The following TTC7A variants were observed in gnomAD, a reference collection of about 807,000 sequenced individuals.
The protein encoded by TTC7A is tetratricopeptide repeat protein 7A.
A neutral mutation model predicts 103.7 loss-of-function variants in TTC7A; 110 were observed. The observed-to-expected ratio is 1.06, with a 90% CI of 0.91 to 1.24. TTC7A has a LOEUF of 1.24. Ranked by LOEUF, TTC7A falls within the 50% of genes most tolerant of loss-of-function variation. TTC7A has a pLI of 0.00. For missense variants in TTC7A, 1,340 were observed against 1,116.3 expected (o/e 1.20, Z -2.86); for synonymous variants, 521 against 467.9 (o/e 1.11, Z -1.47).
chr2:46,916,250 A>G, exon 1 of TTC7A: 1 of 835,300 alleles, frequency 1.2e-6, no homozygotes, highest in Non-Finnish European at 1.4e-6. Context: ...TCTTGATGAA[A>G]CGACCACAAC....
At chr2:47,006,099 A>C in intron 9 of TTC7A, 40 bp downstream of exon 9, 2 of 1,602,520 alleles carry the variant, frequency 1.2e-6, no homozygotes, top group East Asian at 2.2e-5. Flanking sequence ...CTCCGGAGTC[A>C]GGTGGTCTGT....
chr2:46,926,526 T>C (rs1669392247), intron 2 of TTC7A, among the ~76,000 whole-genome samples: 1 of 152,182 alleles, frequency 6.6e-6, no homozygotes, highest in South Asian at 2.1e-4. Flanking sequence ...AGATGAGCCT[T>C]CTCATGGACC....
At chr2:46,968,030 A>ATGTTTTC (rs1673009905) in intron 3 of TTC7A, among the ~76,000 whole-genome samples, 2 of 151,978 alleles carry the variant, frequency 1.3e-5, no homozygotes, top group Non-Finnish European at 2.9e-5. Context: ...GTTGCTGAGG[A>ATGTTTTC]TGTTTTCTGT....
chr2:47,056,951 A>G (rs1318540845), intron 18 of TTC7A, among the ~76,000 whole-genome samples: 2 of 152,144 alleles, frequency 1.3e-5, no homozygotes, highest in Admixed American at 6.5e-5. Context: ...TGACCTCGAC[A>G]ATGAAAATTC....
intron 3 of TTC7A, chr2:46,974,643 AAAAT>A (rs1161047147): frequency 4.3e-6 from 2 of 466,756 alleles, no homozygotes; most frequent in Non-Finnish European, 8.5e-6. Flanking sequence ...AGGAAAGAAA[AAAAT>A]AAATTTTTTT....
Position 46,941,853 on chromosome 2 carries a change from A to G in TTC7A, c.184+128A>G. On this transcript the variant is annotated intron_variant, in intron 1 of 19. Coordinates refer to ENST00000319190, the MANE Select transcript of TTC7A (RefSeq NM_020458.4). The surrounding 1 kb of genome is among the most constrained non-coding windows in gnomAD (Gnocchi z 4.2). ...GCCAGCCCACCGTGCTAGTCTTAAG[A>G]GCAGCCAGGGCAGTTAGGAAGGTCC... is the stretch of plus-strand genomic sequence containing the variant. The G allele has an allele frequency of 1.6e-6, 2 of 1,239,866 alleles. No homozygotes were observed. The highest frequency in any genetic ancestry group is 2.8e-4 in the Middle Eastern group (1 of 3,636). 76.8% of individuals were successfully genotyped at this position (1,239,866 alleles called of 1,614,324 possible).
chr2:46,929,734 G>A (rs1282901972), intron 2 of TTC7A, among the ~76,000 whole-genome samples: 2 of 152,148 alleles, frequency 1.3e-5, no homozygotes, highest in Admixed American at 6.5e-5. Context: ...AGAAAAATAA[G>A]ATATGGGATG....
At chr2:47,056,154 T>G (rs573621333) in intron 18 of TTC7A, among the ~76,000 whole-genome samples, 1 of 152,224 alleles carries the variant, frequency 6.6e-6, no homozygotes, top group South Asian at 2.1e-4. Context: ...TTCCCTGTGT[T>G]GGCCTGGGCG....
upstream of TTC7A, among the ~76,000 whole-genome samples, chr2:46,940,244 A>G (rs1228851889): frequency 6.6e-6 from 1 of 152,134 alleles, no homozygotes; most frequent in Non-Finnish European, 1.5e-5. This position sits in a 1 kb window ranked among gnomAD's most constrained non-coding sequence, Gnocchi z 4.7. Context: ...AGCACCTTCT[A>G]ACTCTTAGGA....
At chr2:46,923,987 C>T (rs1401439766) in intron 2 of TTC7A, among the ~76,000 whole-genome samples, 1 of 151,902 alleles carries the variant, frequency 6.6e-6, no homozygotes, top group African/African-American at 2.4e-5. Context: ...CCACCCGCCT[C>T]GGCCTCCCAA....
intron 19 of TTC7A, among the ~76,000 whole-genome samples, chr2:47,062,483 T>G (rs1213005782): frequency 6.6e-6 from 1 of 152,210 alleles, no homozygotes; most frequent in Non-Finnish European, 1.5e-5. Context: ...GGCTTCCTCC[T>G]TCCTCCCTCA....
chr2:46,926,167 G>C (rs756563253), intron 2 of TTC7A, among the ~76,000 whole-genome samples: 38 of 152,188 alleles, frequency 2.5e-4, no homozygotes, highest in Non-Finnish European at 5.0e-4. Context: ...CTCCCACACA[G>C]AGCAGTTGTG....
chr2:47,020,342 C>T (rs1452360884), intron 11 of TTC7A, among the ~76,000 whole-genome samples: 1 of 152,318 alleles, frequency 6.6e-6, no homozygotes, highest in Non-Finnish European at 1.5e-5. Context: ...CCTGCTGCCA[C>T]GTGGCCTAGG....
intron 2 of TTC7A, among the ~76,000 whole-genome samples, chr2:46,927,590 G>C (rs1023145057): frequency 4.0e-5 from 6 of 151,872 alleles, no homozygotes; most frequent in African/African-American, 1.5e-4. Flanking sequence ...TCAATCTCCT[G>C]ACCTCGTGAT....
At chr2:47,052,726 G>A (rs764284027) in intron 18 of TTC7A, among the ~76,000 whole-genome samples, 1 of 152,160 alleles carries the variant, frequency 6.6e-6, no homozygotes, top group African/African-American at 2.4e-5. Flanking sequence ...AGACAGAGGA[G>A]GAGGATAGGC....
At chr2:46,965,348 C>T (rs1441493175) in intron 3 of TTC7A, among the ~76,000 whole-genome samples, 2 of 152,156 alleles carry the variant, frequency 1.3e-5, no homozygotes, top group African/African-American at 2.4e-5. Context: ...TTTGGCTTCC[C>T]TCTCCAAGGG....
At chr2:47,024,407 C>G (rs746877011) in intron 14 of TTC7A, 48 bp downstream of exon 14, 13 of 1,536,510 alleles carry the variant, frequency 8.5e-6, no homozygotes, top group Non-Finnish European at 1.1e-5. Context: ...GGCTGCTGAT[C>G]TTCTCCTGGA....
rs1679518456 is a variant in TTC7A at position 47,023,481 on chromosome 2, C to T, written c.1568+16C>T. On this transcript the variant is annotated intron_variant, in intron 13 of 19. Transcript: ENST00000319190. ...CGCTGGAGAGGTGAGGAGGCTCCCA[C>T]CTGCAGCAGAGGCCCCTCTTGCCTT... 6.2e-7 allele frequency: 1 copy of T among 1,613,862 alleles called. No individual in the cohort carries two copies. Among genetic ancestry groups the T allele is most frequent in the South Asian group, 1.1e-5 (1 of 91,076 alleles).
chr2:47,009,926 G>T (rs1677860366), intron 10 of TTC7A, among the ~76,000 whole-genome samples: 1 of 149,434 alleles, frequency 6.7e-6, no homozygotes, highest in Non-Finnish European at 1.5e-5. Context: ...GACAGGGGAG[G>T]GGGCGCGCAG....
Sources: allele counts gnomAD v4.1 joint callset (sites outside exome capture counted in the v4.1 genomes callset), GRCh38; gene constraint gnomAD v4.1.1; non-coding constraint Gnocchi (gnomAD v3.1); transcripts MANE v1.5; gene names NCBI Gene and HGNC (gene_info 2026-07-23, HGNC 2026-07-21).